The following GRIN2A variants were observed in gnomAD, a reference collection of about 807,000 sequenced individuals.
The protein encoded by GRIN2A is glutamate receptor ionotropic, NMDA 2A.
Under a neutral mutation model 113.4 loss-of-function variants are expected in GRIN2A, and 22 were observed. The ratio of observed to expected loss-of-function variants is 0.19; its 90% confidence interval spans 0.14 to 0.28. GRIN2A has a LOEUF of 0.28. Ranked by LOEUF, GRIN2A falls within the 10% of genes least tolerant of loss-of-function variation. GRIN2A has a pLI of 1.00. For missense variants in GRIN2A, 1,502 were observed against 1,887.0 expected, an observed-to-expected ratio of 0.80 and a Z score of 3.78; for synonymous variants, 827 against 738.4, an observed-to-expected ratio of 1.12 and a Z score of -1.94.
chr16:9,854,854 A>C (rs775072117), intron 4 of GRIN2A, among the ~76,000 whole-genome samples: 12 of 152,200 alleles, frequency 7.9e-5, no homozygotes, highest in Non-Finnish European at 8.8e-5. Flanking sequence ...ATAAGGTTTC[A>C]ATGCATCAGA....
rs569898838 is a variant in GRIN2A, at chr16:9,811,889, G to T, written c.2168+10375C>A. On this transcript the variant is annotated intron_variant, in intron 10 of 12. Coordinates refer to ENST00000330684, the MANE Select transcript of GRIN2A (RefSeq NM_001134407.3). ...CCATGTGCTTCCTGTGGCTTGGCTC[G>T]AATAGAAGAAATTCATTTCCTCCAC... Among the ~76,000 whole-genome samples the T allele has an allele frequency of 2.0e-5, 3 of 152,236 alleles. No individual in the cohort carries two copies. The East Asian group carries it at 5.8e-4, about 29-fold the overall frequency.
Position 9,764,514 on chromosome 16 carries a change from G to C in GRIN2A, c.3030C>G (p.Pro1010=), listed in dbSNP as rs763891276. ...VSTESKANSR[P]RQLWKKSVDS... ...CCACGGATTTCTTCCACAGCTGCCG[G>C]GGTCTAGAGTTCGCTTTGGATTCTG... The change falls in exon 13 of 13, where the codon CCC becomes CCG. Residue 1010 remains proline, a synonymous_variant. Coordinates refer to ENST00000330684, the MANE Select transcript of GRIN2A (RefSeq NM_001134407.3). 3 of 1,614,076 alleles carry C rather than the reference G, an allele frequency of 1.9e-6. No individual in the cohort carries two copies. Among genetic ancestry groups the C allele is most frequent in the South Asian group, 2.2e-5 (2 of 91,074 alleles).
chr16:9,803,120 A>C (rs2141245301), intron 10 of GRIN2A, among the ~76,000 whole-genome samples: 1 of 152,332 alleles, frequency 6.6e-6, no homozygotes, highest in South Asian at 2.1e-4. Flanking sequence ...AATGGAGCCA[A>C]CTTGCCGGGC....
At chr16:9,952,052 G>A (rs1049688751) in intron 2 of GRIN2A, among the ~76,000 whole-genome samples, 3 of 152,158 alleles carry the variant, frequency 2.0e-5, no homozygotes, top group Admixed American at 6.5e-5. Context: ...TAGCAACCAC[G>A]AGAAATAAAT....
Position 9,756,924 on chromosome 16 carries a change from C to A in GRIN2A, c.*6225G>T. 5.3e-6 allele frequency: 1 copy of A among 188,166 alleles called. No individual in the cohort carries two copies. The highest frequency in any genetic ancestry group is 8.5e-5 in the East Asian group (1 of 11,808). 11.7% of individuals were successfully genotyped at this position (188,166 alleles called of 1,614,324 possible). On this transcript the variant is annotated 3_prime_UTR_variant, in exon 13 of 13. Transcript: ENST00000330684. Reference sequence around the variant, plus strand: ...CTCTAGGGAACCTGATGCTTTCTGTCAGCCACAGCAGTAGGCACTTGGAAC... The same window carrying A: ...CTCTAGGGAACCTGATGCTTTCTGTAAGCCACAGCAGTAGGCACTTGGAAC...
intron 2 of GRIN2A, among the ~76,000 whole-genome samples, chr16:9,990,321 A>T (rs1460725101): frequency 1.3e-5 from 2 of 152,054 alleles, no homozygotes; most frequent in African/African-American, 4.8e-5. Context: ...AATAAGTAGG[A>T]ACTAAAATTG....
At chr16:9,937,681 TAGAC>T (rs1237069207) in intron 3 of GRIN2A, 13 of 474,998 alleles carry the variant, frequency 2.7e-5, no homozygotes, top group East Asian at 1.6e-4. Flanking sequence ...GATACAGCCA[TAGAC>T]AGACAGACAG....
intron 2 of GRIN2A, among the ~76,000 whole-genome samples, chr16:10,134,216 A>G (rs2049138812): frequency 9.9e-6 from 1 of 101,384 alleles, no homozygotes; most frequent in African/African-American, 3.7e-5. Flanking sequence ...AAAAAAAAAA[A>G]ATGGAGAGGA....
chr16:10,027,178 A>G (rs899130595), intron 2 of GRIN2A, among the ~76,000 whole-genome samples: 1 of 152,210 alleles, frequency 6.6e-6, no homozygotes, highest in Admixed American at 6.5e-5. Context: ...ACATGAGAAA[A>G]TAAGTTGTTT....
At chr16:9,909,399 T>C (rs2044090230) in intron 3 of GRIN2A, among the ~76,000 whole-genome samples, 1 of 152,218 alleles carries the variant, frequency 6.6e-6, no homozygotes, top group Non-Finnish European at 1.5e-5. Flanking sequence ...GGTTGAGCTG[T>C]CCAGTAGATC....
At chr16:10,047,137 G>A (rs948825762) in intron 2 of GRIN2A, among the ~76,000 whole-genome samples, 2 of 152,152 alleles carry the variant, frequency 1.3e-5, no homozygotes, top group East Asian at 1.9e-4. Flanking sequence ...AAAACCATTG[G>A]TGTACACCCT....
chr16:9,859,963 T>C (rs150856946), intron 4 of GRIN2A, among the ~76,000 whole-genome samples: 85 of 151,918 alleles, frequency 5.6e-4, no homozygotes, highest in African/African-American at 1.9e-3. Flanking sequence ...GCCCTGGGGC[T>C]ACGGTGGTGA....
chr16:10,103,572 G>A (rs1409354887), intron 2 of GRIN2A, among the ~76,000 whole-genome samples: 1 of 152,156 alleles, frequency 6.6e-6, no homozygotes. Context: ...ATGGGTTTAG[G>A]CAGCTGAAGC....
chr16:9,840,403 A>G (rs572520954), intron 7 of GRIN2A, among the ~76,000 whole-genome samples: 1 of 152,286 alleles, frequency 6.6e-6, no homozygotes, highest in East Asian at 1.9e-4. Context: ...AACCATCCCC[A>G]TGATCCCGTC....
chr16:9,991,689 A>G (rs2046115763), intron 2 of GRIN2A, among the ~76,000 whole-genome samples: 1 of 152,170 alleles, frequency 6.6e-6, no homozygotes, highest in African/African-American at 2.4e-5. Context: ...AAGGGCCTCA[A>G]CACATATACA....
chr16:10,061,277 T>G (rs56102447), intron 2 of GRIN2A, among the ~76,000 whole-genome samples: 4,562 of 152,310 alleles, frequency 0.03, 246 homozygotes, highest in African/African-American at 0.1. Context: ...AGGCTTAATC[T>G]ATGAGGACAC....
chr16:10,076,141 G>A (rs1427156093), intron 2 of GRIN2A, among the ~76,000 whole-genome samples: 2 of 152,192 alleles, frequency 1.3e-5, no homozygotes, highest in African/African-American at 4.8e-5. Flanking sequence ...CCCAGCACCT[G>A]GGACATCAGG....
At chr16:10,101,476 T>G (rs943674669) in intron 2 of GRIN2A, among the ~76,000 whole-genome samples, 9 of 152,206 alleles carry the variant, frequency 5.9e-5, no homozygotes, top group Non-Finnish European at 1.3e-4. Flanking sequence ...CTGATTAAGT[T>G]GGCTCAAACT....
At chr16:9,934,420 C>T (rs918928632) in intron 3 of GRIN2A, among the ~76,000 whole-genome samples, 5 of 152,078 alleles carry the variant, frequency 3.3e-5, no homozygotes, top group Non-Finnish European at 7.4e-5. Context: ...GTGGCTCATG[C>T]CTGTAATCCC....
Sources: gnomAD v4.1 joint callset for allele counts (sites outside exome capture counted in the v4.1 genomes callset) on GRCh38, gnomAD v4.1.1 for gene constraint, MANE v1.5 for transcripts, NCBI Gene and HGNC (gene_info 2026-07-23, HGNC 2026-07-21) for gene names.